The following ADARB2 variants were observed in gnomAD, a reference collection of about 807,000 sequenced individuals.
ADARB2 encodes the protein adenosine deaminase RNA specific B2 (inactive).
ADARB2 carries 25 observed loss-of-function variants against 62.2 expected under a neutral mutation model. That is an observed-to-expected ratio of 0.40 (90% confidence interval 0.29 to 0.56). The LOEUF is 0.56. Among genes scored for constraint, ADARB2 ranks in the 20% least tolerant of loss-of-function variants. The pLI, the probability that ADARB2 is intolerant of heterozygous loss-of-function variation, is 0.43. For missense variants in ADARB2, 1,071 were observed against 1,077.4 expected (o/e 0.99, Z 0.08); for synonymous variants, 572 against 500.8 (o/e 1.14, Z -1.90).
At chr10:1,510,076 T>C (rs1020979999) in intron 1 of ADARB2, among the ~76,000 whole-genome samples, 17 of 150,040 alleles carry the variant, frequency 1.1e-4, no homozygotes, top group Non-Finnish European at 2.1e-4. Context: ...TTTCTTTCTT[T>C]CTCTTTCTCT....
chr10:1,447,597 A>C (rs59180757), intron 1 of ADARB2, among the ~76,000 whole-genome samples: 1 of 151,700 alleles, frequency 6.6e-6, no homozygotes, highest in African/African-American at 2.4e-5. Context: ...ATGTGATTGC[A>C]GCTTCAGGGG....
intron 1 of ADARB2, among the ~76,000 whole-genome samples, chr10:1,462,604 T>TGTGTATGTGCCTGTGTGTATGTACATGA (rs1173050363): frequency 1.3e-5 from 2 of 151,670 alleles, no homozygotes; most frequent in Non-Finnish European, 2.9e-5. Flanking sequence ...TATGTGCATG[T>TGTGTATGTGCCTGTGTGTATGTACATGA]GTGTATGTGC....
chr10:1,620,859 C>T (rs1833696314), intron 1 of ADARB2, among the ~76,000 whole-genome samples: 2 of 152,300 alleles, frequency 1.3e-5, no homozygotes, highest in South Asian at 2.1e-4. Context: ...AAAGATCAGA[C>T]ACCTGATTAT....
chr10:1,706,367 G>A (rs1289710587), intron 1 of ADARB2, among the ~76,000 whole-genome samples: 1 of 152,204 alleles, frequency 6.6e-6, no homozygotes, highest in Non-Finnish European at 1.5e-5. Context: ...AACAGCTTGG[G>A]AGTAGAAGAG....
At chr10:1,320,141 C>G (rs541794246) in intron 3 of ADARB2, among the ~76,000 whole-genome samples, 8 of 152,204 alleles carry the variant, frequency 5.3e-5, no homozygotes, top group Non-Finnish European at 1.0e-4. Flanking sequence ...TCCAGCCGCC[C>G]AACCACTCCC....
At chr10:1,187,286 C>T (rs1452439291) in intron 8 of ADARB2, among the ~76,000 whole-genome samples, 3 of 152,216 alleles carry the variant, frequency 2.0e-5, no homozygotes, top group Admixed American at 6.5e-5. Context: ...CAGGGATGAC[C>T]GGGCACTGGG....
chr10:1,438,754 TG>T (rs1830865491), intron 1 of ADARB2, among the ~76,000 whole-genome samples: 1 of 138,944 alleles, frequency 7.2e-6, no homozygotes, highest in African/African-American at 2.8e-5. Context: ...TTCTTCACTA[TG>T]GGGCTCCTGA....
chr10:1,585,075 C>T (rs1420589979), intron 1 of ADARB2, among the ~76,000 whole-genome samples: 1 of 152,082 alleles, frequency 6.6e-6, no homozygotes, highest in Admixed American at 6.5e-5. Flanking sequence ...ATGTACAATA[C>T]ATTCTGCTAT....
At chr10:1,618,007 C>T (rs1833664160) in intron 1 of ADARB2, among the ~76,000 whole-genome samples, 1 of 152,222 alleles carries the variant, frequency 6.6e-6, no homozygotes, top group South Asian at 2.1e-4. Flanking sequence ...GCTGCATCTC[C>T]CCGGGAGCTT....
At chr10:1,474,638 C>A (rs946593709) in intron 1 of ADARB2, among the ~76,000 whole-genome samples, 38 of 152,302 alleles carry the variant, frequency 2.5e-4, no homozygotes, top group African/African-American at 8.9e-4. Flanking sequence ...CCTCCATTTG[C>A]TGAGTGAGAC....
intron 3 of ADARB2, among the ~76,000 whole-genome samples, chr10:1,300,070 G>A (rs61832042): frequency 0.039 from 5,953 of 152,196 alleles, 167 homozygotes; most frequent in Middle Eastern, 0.068. Flanking sequence ...GTCTCATCTC[G>A]CAGGGATGAG....
chr10:1,252,568 G>T (rs144828616), intron 4 of ADARB2, among the ~76,000 whole-genome samples: 2 of 152,218 alleles, frequency 1.3e-5, no homozygotes, highest in South Asian at 2.1e-4. Context: ...CTGAATACTC[G>T]CAGTGAATAT....
chr10:1,212,083 C>CT (rs1393822915), intron 7 of ADARB2, among the ~76,000 whole-genome samples: 4 of 152,192 alleles, frequency 2.6e-5, no homozygotes, highest in Non-Finnish European at 4.4e-5. Flanking sequence ...TGACTTCCAC[C>CT]TCCATGTCCT....
intron 8 of ADARB2, chr10:1,187,822 A>G (rs565345019): frequency 4.6e-6 from 2 of 431,766 alleles, no homozygotes; most frequent in East Asian, 1.4e-4. Context: ...GGGGTCGTCC[A>G]GCCTTGCATG....
At chr10:1,394,025 A>G (rs1359830981) in intron 1 of ADARB2, among the ~76,000 whole-genome samples, 1 of 151,878 alleles carries the variant, frequency 6.6e-6, no homozygotes, top group Non-Finnish European at 1.5e-5. Context: ...TCCTCCGTGA[A>G]CTCTGCCTTA....
chr10:1,633,691 A>G (rs1033107189), intron 1 of ADARB2, among the ~76,000 whole-genome samples: 2 of 151,998 alleles, frequency 1.3e-5, no homozygotes, highest in African/African-American at 4.8e-5. Context: ...TGCACACACT[A>G]TCTTATATTG....
chr10:1,481,100 G>C (rs1831464389), intron 1 of ADARB2, among the ~76,000 whole-genome samples: 1 of 152,134 alleles, frequency 6.6e-6, no homozygotes. Context: ...AAAACAGAGT[G>C]GTGTTAGCAT....
At position 1,255,587 on chromosome 10, in the gene ADARB2, G is replaced by A. The variant is rs1043484589; in HGVS notation, c.1193-13288C>T. Among the ~76,000 whole-genome samples the A allele has an allele frequency of 7.2e-5, 11 of 152,220 alleles. No homozygotes were observed. Among genetic ancestry groups the A allele is most frequent in the African/African-American group, 2.2e-4 (9 of 41,460 alleles). ...ACAGGGATGTGACCAGATGTCAGCT[G>A]GTCAACGCTCTTTGCTGTTCCCCAT... On this transcript the variant is annotated intron_variant, in intron 4 of 9. Coordinates refer to ENST00000381312, the MANE Select transcript of ADARB2 (RefSeq NM_018702.4). This position sits in a 1 kb window ranked among gnomAD's most constrained non-coding sequence, Gnocchi z 4.7.
chr10:1,284,317 C>T (rs1284746768), intron 3 of ADARB2, among the ~76,000 whole-genome samples: 1 of 152,112 alleles, frequency 6.6e-6, no homozygotes, highest in Non-Finnish European at 1.5e-5. Context: ...GATCCAGGGC[C>T]TGGCACCGAG....
Sources: allele counts gnomAD v4.1 joint callset (sites outside exome capture counted in the v4.1 genomes callset), GRCh38; gene constraint gnomAD v4.1.1; non-coding constraint Gnocchi (gnomAD v3.1); transcripts MANE v1.5; gene names NCBI Gene and HGNC (gene_info 2026-07-23, HGNC 2026-07-21).